The following FNDC3B variants were observed in gnomAD, a reference collection of about 807,000 sequenced individuals.
The protein encoded by FNDC3B is fibronectin type III domain-containing protein 3B.
A neutral mutation model predicts 151.5 loss-of-function variants in FNDC3B; 12 were observed. The observed-to-expected ratio is 0.08, with a 90% confidence interval of 0.05 to 0.13. FNDC3B has a LOEUF of 0.13. FNDC3B is among the 10% of genes least tolerant of loss of function. FNDC3B has a pLI of 1.00. For missense variants in FNDC3B, 1,214 were observed against 1,505.3 expected, an observed-to-expected ratio of 0.81 and a Z score of 3.20; for synonymous variants, 528 against 549.0, an observed-to-expected ratio of 0.96 and a Z score of 0.54.
chr3:172,104,321 C>T (rs578100366), intron 1 of FNDC3B, among the ~76,000 whole-genome samples: 1 of 151,006 alleles, frequency 6.6e-6, no homozygotes, highest in South Asian at 2.1e-4. Flanking sequence ...TACTGAAGTT[C>T]AGAGCTAATT....
At chr3:172,278,586 GT>G in intron 6 of FNDC3B, among the ~76,000 whole-genome samples, 1 of 152,168 alleles carries the variant, frequency 6.6e-6, no homozygotes, top group Non-Finnish European at 1.5e-5. Context: ...TACTTAATCT[GT>G]TTTTGTGGGT....
At chr3:172,159,150 A>T (rs529570237) in intron 3 of FNDC3B, among the ~76,000 whole-genome samples, 32 of 152,290 alleles carry the variant, frequency 2.1e-4, no homozygotes, top group African/African-American at 6.0e-4. Flanking sequence ...GTGGTGGCAC[A>T]TGCCTGTAAT....
chr3:172,214,945 AT>A (rs1693931906), intron 3 of FNDC3B, among the ~76,000 whole-genome samples: 1 of 152,262 alleles, frequency 6.6e-6, no homozygotes, highest in African/African-American at 2.4e-5. Flanking sequence ...AATAATTGAA[AT>A]CCCTGAAATA....
intron 3 of FNDC3B, among the ~76,000 whole-genome samples, chr3:172,213,134 A>G (rs1298263476): frequency 6.6e-6 from 1 of 152,098 alleles, no homozygotes; most frequent in African/African-American, 2.4e-5. Context: ...TCTGCCCCAG[A>G]TCCTTCTTTC....
At position 172,353,103 on chromosome 3, in the gene FNDC3B, A is replaced by T. The variant is rs1299011045; in HGVS notation, c.2795+20A>T. The T allele has an allele frequency of 6.2e-7, 1 of 1,607,772 alleles. No individual in the cohort carries two copies. Reference sequence around the variant, plus strand: ...CTACCGGTGAGTGCAAGGGAGTAGAAATCTGCATCAGCACATCAGCACTTG... The same window carrying T: ...CTACCGGTGAGTGCAAGGGAGTAGATATCTGCATCAGCACATCAGCACTTG... On this transcript the variant is annotated intron_variant, in intron 22 of 25. Coordinates refer to ENST00000415807, the MANE Select transcript of FNDC3B (RefSeq NM_022763.4).
At chr3:172,380,386 T>G (rs1030754435) in intron 24 of FNDC3B, among the ~76,000 whole-genome samples, 4 of 152,040 alleles carry the variant, frequency 2.6e-5, no homozygotes, top group African/African-American at 9.7e-5. Context: ...TAAATATAAT[T>G]TAATTTTTAA....
chr3:172,174,339 A>G (rs764798673), intron 3 of FNDC3B, among the ~76,000 whole-genome samples: 1 of 152,212 alleles, frequency 6.6e-6, no homozygotes, highest in African/African-American at 2.4e-5. Flanking sequence ...ACTGCCACTT[A>G]GTTAGACTGA....
At chr3:172,324,257 G>A (rs1290886756) in intron 11 of FNDC3B, among the ~76,000 whole-genome samples, 2 of 151,494 alleles carry the variant, frequency 1.3e-5, no homozygotes, top group African/African-American at 2.4e-5. Flanking sequence ...AATATGAGTC[G>A]ACTTACTGGC....
intron 3 of FNDC3B, among the ~76,000 whole-genome samples, chr3:172,164,614 C>T (rs751178575): frequency 6.6e-6 from 1 of 151,976 alleles, no homozygotes; most frequent in African/African-American, 2.4e-5. Flanking sequence ...TATTTAAGTG[C>T]GAAGAAATGG....
At chr3:172,150,880 A>G (rs2108601390) in intron 3 of FNDC3B, among the ~76,000 whole-genome samples, 1 of 152,268 alleles carries the variant, frequency 6.6e-6, no homozygotes, top group South Asian at 2.1e-4. Context: ...CAAATAATCC[A>G]TAAAATACAC....
chr3:172,348,236 A>G (rs545090512), intron 21 of FNDC3B, among the ~76,000 whole-genome samples: 2 of 152,354 alleles, frequency 1.3e-5, no homozygotes, highest in South Asian at 4.1e-4. Context: ...GATTTAAGTC[A>G]TGGATCAAAT....
intron 11 of FNDC3B, among the ~76,000 whole-genome samples, chr3:172,327,432 A>G (rs568112269): frequency 2.1e-4 from 32 of 151,928 alleles, no homozygotes; most frequent in African/African-American, 7.5e-4. Flanking sequence ...ACGGAATCTC[A>G]CTCTGTCGCC....
chr3:172,174,944 C>CCCCTCCCCCCCCCG (rs924176605), intron 3 of FNDC3B, among the ~76,000 whole-genome samples: 1 of 50,654 alleles, frequency 2.0e-5, no homozygotes, highest in Non-Finnish European at 5.1e-5. Context: ...CCCCCCCCCC[C>CCCCTCCCCCCCCCG]CCAATACAAT....
chr3:172,377,274 C>T (rs956532622), intron 23 of FNDC3B, among the ~76,000 whole-genome samples: 5 of 152,166 alleles, frequency 3.3e-5, no homozygotes, highest in Non-Finnish European at 5.9e-5. Context: ...AGGAACAAGG[C>T]GTTGTGGTTG....
At position 172,378,322 on chromosome 3, in the gene FNDC3B, A is replaced by T; in HGVS notation, c.3061A>T (p.Thr1021Ser). Residue 1021 changes from threonine (T) to serine (S), a missense_variant, in exon 24 of 26, where the codon ACG becomes TCG. Coordinates refer to ENST00000415807, the MANE Select transcript of FNDC3B (RefSeq NM_022763.4). ...PSHTYKVQRL[T>S]EFTCYSFRIQ... Reference sequence around the variant, plus strand: ...CCACACCTACAAGGTCCAGAGACTGACGGAATTCACATGCTACTCCTTCAG... The same window carrying T: ...CCACACCTACAAGGTCCAGAGACTGTCGGAATTCACATGCTACTCCTTCAG... 1.9e-6 allele frequency: 3 copies of T among 1,613,916 alleles called. No homozygotes were observed. Among genetic ancestry groups the T allele is most frequent in the Middle Eastern group, 1.6e-4 (1 of 6,062 alleles).
chr3:172,092,222 T>C (rs1718872148), intron 1 of FNDC3B, among the ~76,000 whole-genome samples: 1 of 152,134 alleles, frequency 6.6e-6, no homozygotes, highest in South Asian at 2.1e-4. Flanking sequence ...CTGTATGGAC[T>C]CCTCAGCAAA....
At chr3:172,330,753 A>G (rs772053202) in intron 13 of FNDC3B, 38 bp downstream of exon 13, 73 of 1,530,834 alleles carry the variant, frequency 4.8e-5, no homozygotes, top group East Asian at 4.5e-4. Flanking sequence ...TGTGTTTTGT[A>G]CGAGTCAGTA....
intron 18 of FNDC3B, 22 bp from the exon 19 acceptor site, chr3:172,344,064 G>GA: frequency 1.3e-6 from 2 of 1,597,626 alleles, no homozygotes; most frequent in Non-Finnish European, 1.7e-6. Context: ...GTTCTAAGAT[G>GA]AAAAAAATTC....
chr3:172,153,032 C>T (rs963408212), intron 3 of FNDC3B, among the ~76,000 whole-genome samples: 5 of 152,132 alleles, frequency 3.3e-5, no homozygotes, highest in African/African-American at 1.2e-4. Context: ...TTTTCTGTGT[C>T]GGCCCCTGGG....
Sources: gnomAD v4.1 joint callset for allele counts (sites outside exome capture counted in the v4.1 genomes callset) on GRCh38, gnomAD v4.1.1 for gene constraint, MANE v1.5 for transcripts, NCBI Gene and HGNC (gene_info 2026-07-23, HGNC 2026-07-21) for gene names.